Variants in PDE11A observed in about 807,000 individuals in gnomAD.
PDE11A encodes the protein dual 3',5'-cyclic-AMP and -GMP phosphodiesterase 11A.
In PDE11A, 100 loss-of-function variants were observed where a neutral mutation model predicts 100.5. The observed-to-expected ratio is 1.00, with a 90% CI of 0.85 to 1.18. PDE11A has a LOEUF of 1.18. Ranked by LOEUF, PDE11A falls within the 50% of genes most tolerant of loss-of-function variation. The pLI is 0.00. For synonymous variants in PDE11A, 381 were observed against 420.8 expected, an observed-to-expected ratio of 0.91 and a Z score of 1.16; for missense variants, 1,141 against 1,152.6, an observed-to-expected ratio of 0.99 and a Z score of 0.15.
rs2086741828 is a variant in PDE11A at position 178,045,770 on chromosome 2, T to A, written c.912+25756A>T. 2.0e-5 allele frequency among the ~76,000 whole-genome samples: 3 copies of A among 152,218 alleles called. No homozygotes were observed. In the South Asian group the frequency reaches 6.2e-4, roughly 32 times the overall value. On this transcript the variant is annotated intron_variant, in intron 1 of 19. Coordinates refer to ENST00000286063, the MANE Select transcript of PDE11A (RefSeq NM_016953.4). ...TCCAAACCTGACACAATTGTTGGGA[T>A]CTTCGCACAAAAATAATCAGTTACC...
intron 2 of PDE11A, among the ~76,000 whole-genome samples, chr2:178,010,342 C>T (rs1046474041): frequency 6.6e-6 from 1 of 152,146 alleles, no homozygotes; most frequent in Non-Finnish European, 1.5e-5. Flanking sequence ...TGCTATTGAA[C>T]GTGGGACAAG....
chr2:178,095,823 G>A (rs771381031), intron 2 of PDE11A, among the ~76,000 whole-genome samples: 5 of 152,172 alleles, frequency 3.3e-5, no homozygotes, highest in Non-Finnish European at 7.3e-5. Flanking sequence ...AGCTTTCCAG[G>A]CTTGGGGCTT....
intron 2 of PDE11A, among the ~76,000 whole-genome samples, chr2:177,994,432 T>G (rs988362355): frequency 6.6e-6 from 1 of 152,200 alleles, no homozygotes; most frequent in Non-Finnish European, 1.5e-5. Context: ...GATACAAACA[T>G]TTTACATCAT....
intron 5 of PDE11A, among the ~76,000 whole-genome samples, chr2:177,843,953 A>G (rs1438047): frequency 0.99 from 151,444 of 152,256 alleles, 75,321 homozygotes; most frequent in Middle Eastern, 1. Context: ...GGTGAGATTC[A>G]AACTGACCTA....
chr2:177,755,563 C>T (rs1351903247), intron 10 of PDE11A, among the ~76,000 whole-genome samples: 1 of 152,180 alleles, frequency 6.6e-6, no homozygotes, highest in African/African-American at 2.4e-5. Flanking sequence ...TGCTGCGACC[C>T]CATGTTTCCA....
chr2:177,694,374 A>C (rs776115799), intron 15 of PDE11A, among the ~76,000 whole-genome samples: 23 of 152,202 alleles, frequency 1.5e-4, no homozygotes, highest in Non-Finnish European at 2.8e-4. Context: ...ACAGGCAATA[A>C]AACATTAAAA....
chr2:177,879,233 T>C (rs1034981757), intron 4 of PDE11A, among the ~76,000 whole-genome samples: 3 of 152,212 alleles, frequency 2.0e-5, no homozygotes, highest in Non-Finnish European at 4.4e-5. Context: ...ATGGTTACAA[T>C]TGTATTATCC....
chr2:177,870,756 G>GA (rs5836628), intron 5 of PDE11A, among the ~76,000 whole-genome samples: 3,371 of 151,950 alleles, frequency 0.022, 72 homozygotes, highest in Non-Finnish European at 0.031. Flanking sequence ...TGTAATATAG[G>GA]AAAAAAACGG....
At chr2:177,836,798 G>A (rs148880229) in intron 6 of PDE11A, among the ~76,000 whole-genome samples, 1,820 of 152,122 alleles carry the variant, frequency 0.012, 35 homozygotes, top group African/African-American at 0.04. Flanking sequence ...CTCCAGACGC[G>A]CCACCTGAAG....
chr2:177,980,238 T>C lies in PDE11A; in HGVS notation c.1071+34064A>G. ...CTATCCCGATATTCCCAATTCTATC[T>C]CTGATGAGTTAATAGAAATCTAATT... On this transcript the variant is annotated intron_variant, in intron 2 of 19. Coordinates refer to ENST00000286063, the MANE Select transcript of PDE11A (RefSeq NM_016953.4). Among the ~76,000 whole-genome samples the C allele has an allele frequency of 1.3e-5, 2 of 150,346 alleles. 1 individual carries two copies. Among genetic ancestry groups the C allele is most frequent in the Non-Finnish European group, 3.0e-5 (2 of 67,030 alleles).
intron 2 of PDE11A, among the ~76,000 whole-genome samples, chr2:178,083,624 C>T (rs1455108844): frequency 1.3e-5 from 2 of 152,132 alleles, no homozygotes; most frequent in Non-Finnish European, 2.9e-5. Flanking sequence ...TCTGAATTAC[C>T]TTTTCCTGCT....
At chr2:177,892,415 A>C (rs2084544457) in intron 4 of PDE11A, among the ~76,000 whole-genome samples, 2 of 152,240 alleles carry the variant, frequency 1.3e-5, no homozygotes, top group Non-Finnish European at 2.9e-5. Context: ...TAATTAGAGA[A>C]TATAATTTGC....
At chr2:178,044,083 T>C (rs1359888484) in intron 1 of PDE11A, among the ~76,000 whole-genome samples, 2 of 152,146 alleles carry the variant, frequency 1.3e-5, no homozygotes, top group African/African-American at 2.4e-5. Flanking sequence ...TTGTGACCAG[T>C]TCAACACCAG....
intron 2 of PDE11A, among the ~76,000 whole-genome samples, chr2:177,967,806 A>T (rs140173576): frequency 6.6e-6 from 1 of 152,134 alleles, no homozygotes; most frequent in Non-Finnish European, 1.5e-5. Flanking sequence ...GTTTATCTGC[A>T]TTTATCAGCT....
intron 19 of PDE11A, among the ~76,000 whole-genome samples, chr2:177,659,876 A>G (rs997396567): frequency 2.0e-5 from 3 of 152,154 alleles, no homozygotes; most frequent in Non-Finnish European, 4.4e-5. Flanking sequence ...TCAGATGTCA[A>G]TGTATTCCTT....
intron 10 of PDE11A, among the ~76,000 whole-genome samples, chr2:177,750,702 C>T (rs2082013392): frequency 6.6e-6 from 1 of 152,128 alleles, no homozygotes; most frequent in Admixed American, 6.5e-5. Context: ...GGCACAATGC[C>T]CACAAGGGTA....
chr2:177,784,833 G>A (rs1320988349), intron 9 of PDE11A, among the ~76,000 whole-genome samples: 1 of 152,104 alleles, frequency 6.6e-6, no homozygotes, highest in African/African-American at 2.4e-5. Flanking sequence ...ACATAGTTTT[G>A]AGCACAGAAA....
intron 9 of PDE11A, among the ~76,000 whole-genome samples, chr2:177,771,245 A>G (rs1395508663): frequency 3.9e-5 from 6 of 152,256 alleles, no homozygotes; most frequent in Non-Finnish European, 8.8e-5. Context: ...GTAAAGTAAC[A>G]TGCTTTATTT....
At position 177,740,913 on chromosome 2, in the gene PDE11A, C is replaced by A. The variant is rs1048159906; in HGVS notation, c.1789-12741G>T. On this transcript the variant is annotated intron_variant, in intron 10 of 19. Transcript: ENST00000286063. ...GGTTGGTGGGATGCCAAGTGCATAA[C>A]CTCCTGAGCCAAACAGATGTGCATT... is the stretch of plus-strand genomic sequence containing the variant. 2.0e-5 allele frequency among the ~76,000 whole-genome samples: 3 copies of A among 152,164 alleles called. No homozygotes were observed. In the East Asian group the frequency reaches 5.8e-4, roughly 29 times the overall value.
Sources: allele counts gnomAD v4.1 joint callset (sites outside exome capture counted in the v4.1 genomes callset), GRCh38; gene constraint gnomAD v4.1.1; transcripts MANE v1.5; gene names NCBI Gene and HGNC (gene_info 2026-07-23, HGNC 2026-07-21).